Variants in ZNF215 observed in about 807,000 individuals in gnomAD.
The protein encoded by ZNF215 is BWSCR2-associated zinc finger protein 2.
In ZNF215, 24 loss-of-function variants were observed where a neutral mutation model predicts 27.2. That is an observed-to-expected ratio of 0.88 (90% confidence interval 0.64 to 1.24). The LOEUF (loss-of-function observed/expected upper bound fraction) is 1.24, where lower values mean the gene tolerates loss of function less well. Among genes scored for constraint, ZNF215 ranks in the 50% most tolerant of loss-of-function variants. ZNF215 has a pLI of 0.00. For synonymous variants in ZNF215, 210 were observed against 204.0 expected (o/e 1.03, Z -0.25); for missense variants, 675 against 605.7 (o/e 1.11, Z -1.20).
At chr11:6,977,295 G>A (rs1433874786) in intron 5 of ZNF215, among the ~76,000 whole-genome samples, 1 of 152,020 alleles carries the variant, frequency 6.6e-6, no homozygotes, top group Non-Finnish European at 1.5e-5. Flanking sequence ...GTCCCACCCA[G>A]TCCAGCACAG....
At chr11:6,943,466 A>G in intron 5 of ZNF215, 80 bp from the exon 6 acceptor site, 2 of 1,348,734 alleles carry the variant, frequency 1.5e-6, no homozygotes, top group Non-Finnish European at 2.1e-6. Flanking sequence ...GTGTCGGGAT[A>G]GAATTATCTT....
chr11:6,946,192 A>G lies in ZNF215; in HGVS notation c.712+2551A>G, dbSNP rs375519382. Among the ~76,000 whole-genome samples, 45 of 152,280 alleles carry G rather than the reference A, an allele frequency of 3.0e-4. No individual in the cohort carries two copies. The South Asian group carries it at 5.4e-3, about 18-fold the overall frequency. ...ACCATCATCTCTCACCTGAACCACCACATTGGCATACTTCTCAGCTCTATT... is the reference window on the plus strand; with the variant it reads ...ACCATCATCTCTCACCTGAACCACCGCATTGGCATACTTCTCAGCTCTATT... On this transcript the variant is annotated intron_variant, in intron 6 of 6. Coordinates refer to ENST00000278319, the MANE Select transcript of ZNF215 (RefSeq NM_013250.4).
At chr11:6,989,779 T>G (rs143086166), downstream of ZNF215, among the ~76,000 whole-genome samples, 1 of 152,210 alleles carries the variant, frequency 6.6e-6, no homozygotes, top group African/African-American at 2.4e-5. Context: ...CAGACAAATC[T>G]GGTTCAATTT....
chr11:6,926,735 T>G (rs1442471748), intron 1 of ZNF215, 50 bp downstream of exon 1: 1 of 152,302 alleles, frequency 6.6e-6, no homozygotes, highest in African/African-American at 2.4e-5. Flanking sequence ...ACGGGTATCG[T>G]TCTCGTCAGC....
Position 6,978,077 on chromosome 11 carries a change from T to A in ZNF215, c.806-6052T>A, listed in dbSNP as rs1014418091. ...ACTAACATTACTAAGCATTTACTAC[T>A]CAGAAACTGATTCAAAAGTAATGTT... On this transcript the variant is annotated intron_variant, in intron 5 of 5. Coordinates refer to the ZNF215 transcript ENST00000529903. 2.0e-5 allele frequency among the ~76,000 whole-genome samples: 3 copies of A among 152,042 alleles called. 1 individual carries two copies. The highest frequency in any genetic ancestry group is 6.3e-3 in the Middle Eastern group (2 of 316).
chr11:6,929,280 G>C (rs1050683966), intron 2 of ZNF215, among the ~76,000 whole-genome samples: 1 of 152,160 alleles, frequency 6.6e-6, no homozygotes, highest in African/African-American at 2.4e-5. Flanking sequence ...AGAGAAGACA[G>C]TACAACAGAG....
chr11:6,952,680 C>G (rs7118320), intron 6 of ZNF215, among the ~76,000 whole-genome samples: 1 of 151,684 alleles, frequency 6.6e-6, no homozygotes, highest in Non-Finnish European at 1.5e-5. Flanking sequence ...GGTCTTGACT[C>G]TTTATCCAAT....
At chr11:6,974,046 T>C (rs1166624882) in intron 5 of ZNF215, among the ~76,000 whole-genome samples, 7 of 152,226 alleles carry the variant, frequency 4.6e-5, no homozygotes, top group African/African-American at 1.7e-4. Context: ...TTTAAGTCTT[T>C]AATCTATCTT....
intron 2 of ZNF215, among the ~76,000 whole-genome samples, chr11:6,929,904 C>T (rs1291729332): frequency 2.0e-5 from 3 of 151,592 alleles, no homozygotes; most frequent in Non-Finnish European, 4.4e-5. Context: ...TGGAATTTTT[C>T]TGCATAGGAG....
intron 5 of ZNF215, among the ~76,000 whole-genome samples, chr11:6,964,234 C>T (rs541945590): frequency 3.3e-5 from 5 of 152,090 alleles, no homozygotes; most frequent in South Asian, 4.1e-4. Flanking sequence ...ATTTTTTGCA[C>T]AGTCCATGGC....
chr11:6,959,592 T>C (rs1009355446), downstream of ZNF215, among the ~76,000 whole-genome samples: 1 of 152,208 alleles, frequency 6.6e-6, no homozygotes, highest in African/African-American at 2.4e-5. Flanking sequence ...AAGGTAAATA[T>C]AGCAACTTTG....
chr11:6,971,277 A>G (rs1043415981), intron 5 of ZNF215, among the ~76,000 whole-genome samples: 4 of 152,126 alleles, frequency 2.6e-5, no homozygotes, highest in Non-Finnish European at 4.4e-5. Context: ...TATAATCTAA[A>G]TCCTTTCCAT....
At chr11:6,932,758 A>G in intron 3 of ZNF215, 86 bp downstream of exon 3, 3 of 1,315,764 alleles carry the variant, frequency 2.3e-6, no homozygotes, top group Non-Finnish European at 3.1e-6. Flanking sequence ...AGAGAGTATC[A>G]AGTGCCAGAT....
At chr11:6,972,399 C>G (rs79658235) in intron 5 of ZNF215, among the ~76,000 whole-genome samples, 1,815 of 77,912 alleles carry the variant, frequency 0.023, 37 homozygotes, top group African/African-American at 0.059. Context: ...CTAAGTTTAT[C>G]CTAGGAGACT....
downstream of ZNF215, among the ~76,000 whole-genome samples, chr11:6,990,786 G>C (rs1407374429): frequency 6.9e-5 from 2 of 29,108 alleles, no homozygotes; most frequent in Non-Finnish European, 8.6e-5. Context: ...ACACAAAGGG[G>C]ACTTTGAAAA....
intron 3 of ZNF215, among the ~76,000 whole-genome samples, chr11:6,935,194 C>G (rs927459296): frequency 2.4e-4 from 37 of 152,234 alleles, no homozygotes; most frequent in African/African-American, 8.9e-4. Context: ...ATTTTGAAAG[C>G]TCGCATGTAT....
intron 4 of ZNF215, among the ~76,000 whole-genome samples, chr11:6,942,738 T>C (rs1055845584): frequency 1.3e-5 from 2 of 152,236 alleles, no homozygotes; most frequent in African/African-American, 4.8e-5. Context: ...CTTGCTGTTT[T>C]GAACTCCTTT....
At position 6,971,875 on chromosome 11, in the gene ZNF215, T is replaced by C. The variant is rs1337644288; in HGVS notation, c.806-12254T>C. On this transcript the variant is annotated intron_variant, in intron 5 of 5. Coordinates refer to the ZNF215 transcript ENST00000529903. ...TGTTTTTGAGTACATAAAGCAGGGTTAGCCATTGTCTCTTAGGAATAAACT... is the reference window on the plus strand; with the variant it reads ...TGTTTTTGAGTACATAAAGCAGGGTCAGCCATTGTCTCTTAGGAATAAACT... 1.3e-5 allele frequency among the ~76,000 whole-genome samples: 2 copies of C among 152,196 alleles called. 1 individual carries two copies. Among genetic ancestry groups the C allele is most frequent in the African/African-American group, 4.8e-5 (2 of 41,466 alleles).
chr11:6,985,334 C>T (rs959957299), downstream of ZNF215, among the ~76,000 whole-genome samples: 3 of 152,078 alleles, frequency 2.0e-5, no homozygotes, highest in East Asian at 1.9e-4. Context: ...CTTTTGATAA[C>T]GTCCAATGTC....
Sources: gnomAD v4.1 joint callset for allele counts (sites outside exome capture counted in the v4.1 genomes callset) on GRCh38, gnomAD v4.1.1 for gene constraint, MANE v1.5 for transcripts, NCBI Gene and HGNC (gene_info 2026-07-23, HGNC 2026-07-21) for gene names.